Variants in ARK2C observed in about 807,000 individuals in gnomAD.
ARK2C encodes arkadia (RNF111) C-terminal like ring finger ubiquitin ligase 2C.
chr18:46,378,232 G>A, the ARK2C span, among the ~76,000 whole-genome samples: 2 of 152,212 alleles, frequency 1.3e-5, no homozygotes, highest in African/African-American at 4.8e-5. Flanking sequence ...AGCAAGACAA[G>A]GACCCTGCAC....
At chr18:46,352,186 G>A in the ARK2C span, among the ~76,000 whole-genome samples, 1 of 152,124 alleles carries the variant, frequency 6.6e-6, no homozygotes, top group African/African-American at 2.4e-5. Context: ...CTCCTTGGGG[G>A]CCTTGGGTCC....
At chr18:46,422,549 C>T in the ARK2C span, among the ~76,000 whole-genome samples, 1 of 152,266 alleles carries the variant, frequency 6.6e-6, no homozygotes, top group Non-Finnish European at 1.5e-5. Flanking sequence ...GCCCCACCGG[C>T]TTGCTCCCTG....
At chr18:46,423,161 G>A in the ARK2C span, among the ~76,000 whole-genome samples, 1 of 152,164 alleles carries the variant, frequency 6.6e-6, no homozygotes, top group Admixed American at 6.5e-5. Flanking sequence ...CTTTCCTTTG[G>A]GGGATGTCCA....
the ARK2C span, among the ~76,000 whole-genome samples, chr18:46,404,769 A>AACACACACACACACACAT: frequency 3.5e-5 from 5 of 144,018 alleles, no homozygotes; most frequent in African/African-American, 1.3e-4. Context: ...CACACACACA[A>AACACACACACACACACAT]ACACACACAC....
chr18:46,363,435 A>G, the ARK2C span, among the ~76,000 whole-genome samples: 4 of 152,360 alleles, frequency 2.6e-5, no homozygotes, highest in Non-Finnish European at 5.9e-5. Context: ...CATCAGGGGC[A>G]TGTGCCTGCC....
the ARK2C span, chr18:46,450,389 G>C: frequency 6.2e-7 from 1 of 1,609,942 alleles, no homozygotes; most frequent in South Asian, 1.1e-5. Context: ...CGCCGTACGG[G>C]AGAGCTATGA....
At chr18:46,337,451 A>C in the ARK2C span, 2 of 985,276 alleles carry the variant, frequency 2.0e-6, no homozygotes, top group African/African-American at 1.7e-5. Context: ...TCGGTTAGAG[A>C]TGTTACCCTG....
chr18:46,392,286 AC>A, the ARK2C span, among the ~76,000 whole-genome samples: 1 of 152,120 alleles, frequency 6.6e-6, no homozygotes, highest in Non-Finnish European at 1.5e-5. Flanking sequence ...GCCCAAAGAC[AC>A]CTGGATGCCC....
the ARK2C span, among the ~76,000 whole-genome samples, chr18:46,365,549 C>T: frequency 3.9e-5 from 6 of 152,222 alleles, no homozygotes; most frequent in East Asian, 1.2e-3. Context: ...TGTCGCCCAG[C>T]CTGGAGTGCA....
chr18:46,405,156 C>A, the ARK2C span, among the ~76,000 whole-genome samples: 2 of 152,076 alleles, frequency 1.3e-5, no homozygotes, highest in Non-Finnish European at 2.9e-5. Context: ...GTGTGGCATA[C>A]TGGTGGGGTT....
At chr18:46,353,787 T>A in the ARK2C span, among the ~76,000 whole-genome samples, 1 of 152,120 alleles carries the variant, frequency 6.6e-6, no homozygotes, top group African/African-American at 2.4e-5. Flanking sequence ...CCAGAAGAGA[T>A]AACCAGATAC....
chr18:46,461,257 G>C, the ARK2C span: 1 of 152,298 alleles, frequency 6.6e-6, no homozygotes, highest in African/African-American at 2.4e-5. Flanking sequence ...AGAACTGGGA[G>C]ATCTTTAGGG....
the ARK2C span, chr18:46,450,642 C>A: frequency 7.7e-7 from 1 of 1,299,362 alleles, no homozygotes; most frequent in South Asian, 1.2e-5. Flanking sequence ...CAATCCATAT[C>A]CTGTGTGCAT....
chr18:46,426,059 C>T, the ARK2C span, among the ~76,000 whole-genome samples: 5 of 152,134 alleles, frequency 3.3e-5, no homozygotes, highest in African/African-American at 4.8e-5. Flanking sequence ...ATCTAATCAC[C>T]TCCCAAAGGC....
At chr18:46,410,271 C>T in the ARK2C span, among the ~76,000 whole-genome samples, 1 of 152,340 alleles carries the variant, frequency 6.6e-6, no homozygotes, top group Non-Finnish European at 1.5e-5. Flanking sequence ...TTTCTGCTTT[C>T]CAGCTATCCC....
the ARK2C span, among the ~76,000 whole-genome samples, chr18:46,397,070 C>T: frequency 2.6e-5 from 4 of 152,186 alleles, no homozygotes; most frequent in Non-Finnish European, 5.9e-5. Context: ...GTCAGGAGTC[C>T]GTGAGGTTGG....
chr18:46,364,728 C>T, the ARK2C span, among the ~76,000 whole-genome samples: 4,294 of 152,304 alleles, frequency 0.028, 177 homozygotes, highest in African/African-American at 0.08. Flanking sequence ...TCTGCCCATC[C>T]GTGCTCACAT....
At chr18:46,435,956 T>C in the ARK2C span, among the ~76,000 whole-genome samples, 3 of 152,110 alleles carry the variant, frequency 2.0e-5, no homozygotes, top group Non-Finnish European at 4.4e-5. Context: ...GAGGGTGGTG[T>C]TGTTGCTGAG....
chr18:46,400,479 C>T, the ARK2C span, among the ~76,000 whole-genome samples: 1 of 152,174 alleles, frequency 6.6e-6, no homozygotes, highest in Non-Finnish European at 1.5e-5. Flanking sequence ...AGTGGGGACC[C>T]TCAGTCTGTA....
Sources: gnomAD v4.1 joint callset for allele counts (sites outside exome capture counted in the v4.1 genomes callset) on GRCh38, gnomAD v4.1.1 for gene constraint, MANE v1.5 for transcripts, NCBI Gene and HGNC (gene_info 2026-07-23, HGNC 2026-07-21) for gene names.